MTUS2: variants seen among roughly 807,000 people sequenced by gnomAD.
MTUS2 encodes the protein microtubule associated scaffold protein 2.
In MTUS2, 40 loss-of-function variants were observed where a neutral mutation model predicts 114.1. The observed-to-expected ratio is 0.35, with a 90% CI of 0.27 to 0.46. The LOEUF (loss-of-function observed/expected upper bound fraction) is 0.46. Ranked by LOEUF, MTUS2 falls within the 20% of genes least tolerant of loss-of-function variation. The probability of loss-of-function intolerance (pLI) is 1.00; values close to 1 mark genes in which losing one functional copy is unlikely to be tolerated. For synonymous variants in MTUS2, 688 were observed against 672.0 expected (o/e 1.02, Z -0.37); for missense variants, 1,679 against 1,705.4 (o/e 0.98, Z 0.27).
chr13:28,941,562 A>T (rs976756967), intron 2 of MTUS2, among the ~76,000 whole-genome samples: 4 of 151,664 alleles, frequency 2.6e-5, no homozygotes, highest in African/African-American at 4.9e-5. Flanking sequence ...AAATTTGGTG[A>T]ATGTTTAGCT....
intron 4 of MTUS2, among the ~76,000 whole-genome samples, chr13:29,062,321 G>A (rs1888459454): frequency 6.6e-6 from 1 of 152,196 alleles, no homozygotes; most frequent in Admixed American, 6.5e-5. Flanking sequence ...GTATGTGGTT[G>A]TATGTGTATG....
At chr13:29,438,869 C>T (rs898902335) in intron 8 of MTUS2, among the ~76,000 whole-genome samples, 2 of 152,108 alleles carry the variant, frequency 1.3e-5, no homozygotes, top group Non-Finnish European at 2.9e-5. Context: ...CTGGATAACC[C>T]GAGACCCTCC....
At chr13:28,970,000 G>A (rs774564717) in intron 2 of MTUS2, among the ~76,000 whole-genome samples, 7 of 152,196 alleles carry the variant, frequency 4.6e-5, no homozygotes, top group Non-Finnish European at 7.3e-5. Flanking sequence ...GGCTGGTCTT[G>A]AATGCCTGTC....
chr13:29,067,294 A>G (rs1888708245), intron 4 of MTUS2, among the ~76,000 whole-genome samples: 1 of 152,140 alleles, frequency 6.6e-6, no homozygotes, highest in Admixed American at 6.6e-5. Context: ...CTTTCCATCC[A>G]TATTGAAGGG....
chr13:29,304,736 G>A (rs1332163216), intron 6 of MTUS2, among the ~76,000 whole-genome samples: 1 of 152,104 alleles, frequency 6.6e-6, no homozygotes, highest in Non-Finnish European at 1.5e-5. Context: ...GATCAAGACA[G>A]AAAATTAACA....
At chr13:29,020,453 G>A (rs888694225) in intron 2 of MTUS2, among the ~76,000 whole-genome samples, 2 of 152,138 alleles carry the variant, frequency 1.3e-5, no homozygotes, top group African/African-American at 2.4e-5. Context: ...ACAGAAATTC[G>A]TGTTTGTGTT....
chr13:29,351,972 A>G (rs76674822), intron 7 of MTUS2, among the ~76,000 whole-genome samples: 11,524 of 151,980 alleles, frequency 0.076, 1,473 homozygotes, highest in African/African-American at 0.26. Flanking sequence ...ATTTTACATT[A>G]TTGATTACTC....
At chr13:29,037,720 T>G (rs1486059584) in intron 4 of MTUS2, among the ~76,000 whole-genome samples, 3 of 152,212 alleles carry the variant, frequency 2.0e-5, no homozygotes, top group African/African-American at 7.2e-5. Context: ...CTTTTCATTC[T>G]TTTTTCTCTA....
intron 12 of MTUS2, among the ~76,000 whole-genome samples, chr13:29,492,939 C>G (rs1446500431): frequency 1.3e-5 from 2 of 152,146 alleles, no homozygotes; most frequent in African/African-American, 2.4e-5. Flanking sequence ...CATACTTGCA[C>G]CAAATGAATA....
intron 8 of MTUS2, among the ~76,000 whole-genome samples, chr13:29,411,576 C>T (rs1001956872): frequency 2.0e-5 from 3 of 152,160 alleles, no homozygotes; most frequent in African/African-American, 7.2e-5. Flanking sequence ...GCCAAATGAA[C>T]TTTAGTATCA....
rs75843503 is a variant in MTUS2, at chr13:29,133,264, C to T, written c.2644+32294C>T. On this transcript the variant is annotated intron_variant, in intron 5 of 15. Transcript: ENST00000612955. Reference sequence around the variant, plus strand: ...TTTTCTGTGTATTCTGGATATTAATCCCTTATCAGATATGCAATTTGCAAA... The same window carrying T: ...TTTTCTGTGTATTCTGGATATTAATTCCTTATCAGATATGCAATTTGCAAA... Among the ~76,000 whole-genome samples, 712 of 152,114 alleles carry T rather than the reference C, an allele frequency of 4.7e-3. 5 individuals carry two copies. The highest frequency in any genetic ancestry group is 0.016 in the African/African-American group (645 of 41,522).
chr13:29,460,838 C>T (rs973791746), intron 9 of MTUS2, among the ~76,000 whole-genome samples: 1 of 150,678 alleles, frequency 6.6e-6, no homozygotes, highest in African/African-American at 2.4e-5. Context: ...AAAAAATATT[C>T]ACAGACACAT....
intron 8 of MTUS2, among the ~76,000 whole-genome samples, chr13:29,434,589 A>G (rs1877271246): frequency 6.6e-6 from 1 of 152,190 alleles, no homozygotes; most frequent in Admixed American, 6.5e-5. Context: ...CAGTTTTAGT[A>G]GTAAATAGCT....
At chr13:29,080,277 G>A (rs941142202) in intron 4 of MTUS2, among the ~76,000 whole-genome samples, 1 of 152,004 alleles carries the variant, frequency 6.6e-6, no homozygotes, top group Non-Finnish European at 1.5e-5. Flanking sequence ...AAGTAGTTTG[G>A]TATGAGTTAA....
intron 7 of MTUS2, among the ~76,000 whole-genome samples, chr13:29,325,552 A>C (rs894574868): frequency 2.5e-5 from 1 of 39,476 alleles, no homozygotes; most frequent in Non-Finnish European, 8.5e-5. Flanking sequence ...AGAAGAAGGA[A>C]GAAGAGGAAG....
intron 5 of MTUS2, among the ~76,000 whole-genome samples, chr13:29,156,478 A>G (rs1429558456): frequency 6.6e-6 from 1 of 152,134 alleles, no homozygotes; most frequent in Non-Finnish European, 1.5e-5. Context: ...GTTCATTACA[A>G]GCAAAGATGT....
At chr13:29,246,696 G>A (rs573650523) in intron 5 of MTUS2, among the ~76,000 whole-genome samples, 1 of 152,266 alleles carries the variant, frequency 6.6e-6, no homozygotes, top group Non-Finnish European at 1.5e-5. Context: ...AAAGGCAATA[G>A]TGAGAGGTTT....
intron 8 of MTUS2, among the ~76,000 whole-genome samples, chr13:29,420,939 C>G (rs1223625130): frequency 1.3e-5 from 2 of 152,180 alleles, no homozygotes; most frequent in African/African-American, 2.4e-5. Flanking sequence ...GATTATCTTA[C>G]ATCAGTAGCA....
chr13:28,839,698 AC>A (rs1303457207), intron 1 of MTUS2, 79 bp from the exon 2 acceptor site: 1 of 152,148 alleles, frequency 6.6e-6, no homozygotes, highest in African/African-American at 2.4e-5. Flanking sequence ...TGGTGAGAAG[AC>A]CTATTATAAT....
Sources: gnomAD v4.1 joint callset for allele counts (sites outside exome capture counted in the v4.1 genomes callset) on GRCh38, gnomAD v4.1.1 for gene constraint, MANE v1.5 for transcripts, NCBI Gene and HGNC (gene_info 2026-07-23, HGNC 2026-07-21) for gene names.